Variants in LMNB1 observed in about 807,000 individuals in gnomAD.
The protein encoded by LMNB1 is lamin B1.
LMNB1 carries 23 observed loss-of-function variants against 67.1 expected under a neutral mutation model. The ratio of observed to expected loss-of-function variants is 0.34; its 90% confidence interval spans 0.25 to 0.49. LMNB1 has a LOEUF of 0.49. Among genes scored for constraint, LMNB1 ranks in the 20% least tolerant of loss-of-function variants. The pLI, the probability that LMNB1 is intolerant of heterozygous loss-of-function variation, is 0.99. For synonymous variants in LMNB1, 281 were observed against 282.9 expected, an observed-to-expected ratio of 0.99 and a Z score of 0.07; for missense variants, 634 against 746.5, an observed-to-expected ratio of 0.85 and a Z score of 1.76.
intron 3 of LMNB1, among the ~76,000 whole-genome samples, chr5:126,809,316 TTGATAA>T (rs1231226353): frequency 1.3e-5 from 2 of 152,274 alleles, no homozygotes; most frequent in Non-Finnish European, 2.9e-5. Flanking sequence ...CCTGTGTCAC[TTGATAA>T]TGATAGCTTA....
intron 1 of LMNB1, among the ~76,000 whole-genome samples, chr5:126,787,451 T>TATATAACATATACTTTATGTATATGTTAC (rs1415380574): frequency 2.0e-5 from 3 of 148,876 alleles, no homozygotes; most frequent in African/African-American, 4.9e-5. Context: ...GTATATGTTA[T>TATATAACATATACTTTATGTATATGTTAC]ATATAACATA....
At chr5:126,818,900 A>T (rs780953834) in intron 5 of LMNB1, 22 bp from the exon 6 acceptor site, 1 of 1,542,704 alleles carries the variant, frequency 6.5e-7, no homozygotes, top group Non-Finnish European at 9.0e-7. Context: ...TAGAAAGTAA[A>T]TATGTTTCCT....
rs1366799766 is a variant in LMNB1 at position 126,810,197 on chromosome 5, A to G, written c.660A>G (p.Arg220=). ...SMYEEEINET[R]RKHETRLVEV... ...TTCCCCAGGAGATTAACGAGACCAGAAGGAAGCATGAAACGCGCTTGGTAG... is the reference window on the plus strand; with the variant it reads ...TTCCCCAGGAGATTAACGAGACCAGGAGGAAGCATGAAACGCGCTTGGTAG... The change falls in exon 4 of 11, where the codon AGA becomes AGG. Residue 220 remains arginine, a synonymous_variant. Transcript: ENST00000261366. 1.2e-6 allele frequency: 2 copies of G among 1,612,670 alleles called. No individual in the cohort carries two copies. Among genetic ancestry groups the G allele is most frequent in the East Asian group, 2.2e-5 (1 of 44,848 alleles).
At chr5:126,784,890 C>T (rs1425064099) in intron 1 of LMNB1, among the ~76,000 whole-genome samples, 2 of 151,742 alleles carry the variant, frequency 1.3e-5, no homozygotes, top group African/African-American at 4.8e-5. Flanking sequence ...GCTCGATCTC[C>T]TGACCTCGTG....
chr5:126,777,364 C>T lies in LMNB1; in HGVS notation c.-145C>T. 1.0e-6 allele frequency: 1 copy of T among 964,234 alleles called. No individual in the cohort carries two copies. Among genetic ancestry groups the T allele is most frequent in the Admixed American group, 4.4e-5 (1 of 22,692 alleles). 59.7% of individuals were successfully genotyped at this position (964,234 alleles called of 1,614,324 possible). ...AATCGAGCTCCCGCCATCCCAGGTG[C>T]TTCTCCGTTCCTCTAAACGCCAGCG... On this transcript the variant is annotated 5_prime_UTR_variant, in exon 1 of 11. Transcript: ENST00000261366.
In LMNB1 at chr5:126,784,126, G is replaced by A. The variant is rs181456099; in HGVS notation, c.359+6259G>A. On this transcript the variant is annotated intron_variant, in intron 1 of 10. Coordinates refer to ENST00000261366, the MANE Select transcript of LMNB1 (RefSeq NM_005573.4). ...TGCAACCTCCGCCTCCCGGGTTCAA[G>A]CAATTCTCCTGCCTCAGCCTCCCAA... is the stretch of plus-strand genomic sequence containing the variant. 5.5e-3 allele frequency among the ~76,000 whole-genome samples: 763 copies of A among 137,920 alleles called. 4 individuals are homozygous for A. Among genetic ancestry groups the A allele is most frequent in the Middle Eastern group, 0.027 (7 of 258 alleles). The allele number at this position is 137,920 out of a possible 152,430, so 90.5% of individuals were successfully genotyped here. A position where few individuals can be genotyped will look rare whatever the true frequency, so the allele number is the denominator to read the frequency against.
intron 1 of LMNB1, among the ~76,000 whole-genome samples, chr5:126,793,922 C>T (rs2112937967): frequency 6.6e-6 from 1 of 150,630 alleles, no homozygotes; most frequent in African/African-American, 2.4e-5. Context: ...ATCATAAGAC[C>T]TTCTAGAGTT....
chr5:126,802,736 C>G (rs530072340), intron 1 of LMNB1, among the ~76,000 whole-genome samples: 12 of 152,216 alleles, frequency 7.9e-5, no homozygotes, highest in Non-Finnish European at 1.6e-4. Context: ...CCACCATGCC[C>G]GGCAATAATT....
intron 10 of LMNB1, among the ~76,000 whole-genome samples, chr5:126,835,513 C>T (rs540161887): frequency 1.5e-4 from 23 of 152,240 alleles, no homozygotes; most frequent in African/African-American, 3.6e-4. Flanking sequence ...CTGTAGTCTC[C>T]GATGTGGTTG....
At chr5:126,825,579 A>G (rs780904168) in intron 8 of LMNB1, among the ~76,000 whole-genome samples, 211 of 152,304 alleles carry the variant, frequency 1.4e-3, no homozygotes, top group Non-Finnish European at 7.5e-4. Context: ...AGAGTAATAG[A>G]ACGCTGAGGC....
chr5:126,823,824 C>T (rs1377833122), intron 8 of LMNB1, among the ~76,000 whole-genome samples: 1 of 152,168 alleles, frequency 6.6e-6, no homozygotes, highest in Non-Finnish European at 1.5e-5. Context: ...ATCCTAACTA[C>T]AATATCCTTT....
At chr5:126,793,460 T>G (rs1751015766) in intron 1 of LMNB1, among the ~76,000 whole-genome samples, 2 of 152,216 alleles carry the variant, frequency 1.3e-5, no homozygotes, top group African/African-American at 2.4e-5. Flanking sequence ...ACAGATTAGT[T>G]TATTCAGTGA....
chr5:126,819,506 T>TTTA (rs1751809236), intron 6 of LMNB1, among the ~76,000 whole-genome samples: 1 of 128,068 alleles, frequency 7.8e-6, no homozygotes, highest in African/African-American at 3.1e-5. Context: ...TTATTTATTT[T>TTTA]TGAGACAGAG....
chr5:126,818,425 A>G (rs1580549331), intron 5 of LMNB1, among the ~76,000 whole-genome samples: 1 of 151,946 alleles, frequency 6.6e-6, no homozygotes. Flanking sequence ...TATTTTTAGT[A>G]GAGACGGGGT....
chr5:126,805,655 C>T lies in LMNB1; in HGVS notation c.601C>T (p.Leu201Phe). Residue 201 changes from leucine (L) to phenylalanine (F), a missense_variant, in exon 3 of 11, where the codon CTT (leucine) becomes TTT (phenylalanine). Transcript: ENST00000261366. ...AGATTTGGAGAATCGTTGTCAGAGC[C>T]TTACTGAGGACTTGGAGTTTCGCAA... Reference protein sequence around the residue: ...KVDLENRCQSLTEDLEFRKSM... With the variant: ...KVDLENRCQSFTEDLEFRKSM... 2 of 1,612,688 alleles carry T rather than the reference C, an allele frequency of 1.2e-6. No homozygotes were observed. Among genetic ancestry groups the T allele is most frequent in the Non-Finnish European group, 1.7e-6 (2 of 1,179,076 alleles).
At chr5:126,787,546 A>ATATATATCTTTTTTTTTT in intron 1 of LMNB1, among the ~76,000 whole-genome samples, 1 of 65,584 alleles carries the variant, frequency 1.5e-5, no homozygotes, top group Non-Finnish European at 2.7e-5. Context: ...ATATATATAT[A>ATATATATCTTTTTTTTTT]TTTTTTTTTT....
intron 5 of LMNB1, among the ~76,000 whole-genome samples, chr5:126,812,363 C>A (rs774252312): frequency 6.6e-6 from 1 of 152,202 alleles, no homozygotes; most frequent in Admixed American, 6.5e-5. Context: ...CAATTAGGAT[C>A]CAGGAAAGTA....
In LMNB1 at chr5:126,836,354, T is replaced by C; in HGVS notation, c.*90T>C. ...CCTTCTCAGAAGCACAGAATATTTT[T>C]ATATTTCCTTTATGTGAATTTTTAA... On this transcript the variant is annotated 3_prime_UTR_variant, in exon 11 of 11. Transcript: ENST00000261366. 2 of 884,488 alleles carry C rather than the reference T, an allele frequency of 2.3e-6. No homozygotes were observed. Among genetic ancestry groups the C allele is most frequent in the Admixed American group, 4.7e-5 (2 of 42,442 alleles). The allele number at this position is 884,488 out of a possible 1,614,324, so 54.8% of individuals were successfully genotyped here. A position where few individuals can be genotyped will look rare whatever the true frequency, so the allele number is the denominator to read the frequency against.
At chr5:126,828,358 G>A (rs548764011) in intron 9 of LMNB1, among the ~76,000 whole-genome samples, 10 of 152,186 alleles carry the variant, frequency 6.6e-5, no homozygotes, top group African/African-American at 2.2e-4. Context: ...CAATGTTATA[G>A]GAGGATATTT....
Sources: allele counts gnomAD v4.1 joint callset (sites outside exome capture counted in the v4.1 genomes callset), GRCh38; gene constraint gnomAD v4.1.1; transcripts MANE v1.5; gene names NCBI Gene and HGNC (gene_info 2026-07-23, HGNC 2026-07-21).